Variants in TTLL6 observed in about 807,000 individuals in gnomAD.
TTLL6 encodes the protein tubulin tyrosine ligase like 6.
In TTLL6, 75 loss-of-function variants were observed where a neutral mutation model predicts 96.4. The ratio of observed to expected loss-of-function variants is 0.78; its 90% confidence interval spans 0.65 to 0.94. The LOEUF (loss-of-function observed/expected upper bound fraction) is 0.94. Among genes scored for constraint, TTLL6 ranks in the 40% least tolerant of loss-of-function variants. TTLL6 has a pLI of 0.00. For synonymous variants in TTLL6, 411 were observed against 419.4 expected, an observed-to-expected ratio of 0.98 and a Z score of 0.24; for missense variants, 1,030 against 1,093.0, an observed-to-expected ratio of 0.94 and a Z score of 0.81.
At position 48,769,189 on chromosome 17, in the gene TTLL6, C is replaced by T. The variant is rs752120750; in HGVS notation, c.2476G>A (p.Asp826Asn). 1.7e-5 allele frequency: 28 copies of T among 1,613,690 alleles called. No homozygotes were observed. Among genetic ancestry groups the T allele is most frequent in the Non-Finnish European group, 2.4e-5 (28 of 1,179,800 alleles). The change falls in exon 15 of 16, where the codon GAT (aspartate) becomes AAT (asparagine). Residue 826 changes from aspartate to asparagine, a missense_variant. Physicochemically the swap from Asp to Asn is conservative, Grantham distance 23. Transcript: ENST00000393382. Reference sequence around the variant, plus strand: ...CTCTGCAAGAGGAGGGAGGACACATCCAGCTGCCTCTTCTCGCCAGAGCTG... The same window carrying T: ...CTCTGCAAGAGGAGGGAGGACACATTCAGCTGCCTCTTCTCGCCAGAGCTG... ...SDSSGEKRQL[D>N]VSSLLLQSPQ...
Position 48,785,124 on chromosome 17 carries a change from T to C in TTLL6, c.1839A>G (p.Thr613=), listed in dbSNP as rs1567722793. ...GAGCCTCCTGGTTGAGGCTGCTGTC[T>C]GTTTCATTTTTCCTTTCACCTCTGA... ...LSVRGERKNE[T]DSSLNQEAPT... Residue 613 remains threonine (T), a synonymous_variant, in exon 13 of 16, where the codon ACA becomes ACG. Transcript: ENST00000393382. 1 of 1,614,162 alleles carries C rather than the reference T, an allele frequency of 6.2e-7. No homozygotes were observed. Among genetic ancestry groups the C allele is most frequent in the Non-Finnish European group, 8.5e-7 (1 of 1,180,042 alleles).
chr17:48,801,185 A>T, intron 5 of TTLL6, 70 bp downstream of exon 5: 2 of 1,426,168 alleles, frequency 1.4e-6, no homozygotes, highest in Non-Finnish European at 1.9e-6. Context: ...GCAACCAGGG[A>T]ATCGGGGGCA....
intron 13 of TTLL6, among the ~76,000 whole-genome samples, chr17:48,782,732 G>A (rs1052160418): frequency 2.1e-5 from 3 of 141,290 alleles, no homozygotes; most frequent in African/African-American, 5.3e-5. Context: ...CTTTTTTTTT[G>A]AGACAGAGTC....
chr17:48,785,295 TGAG>T (rs2039068990), intron 12 of TTLL6, 94 bp from the exon 13 acceptor site: 2 of 1,558,492 alleles, frequency 1.3e-6, no homozygotes, highest in Non-Finnish European at 8.7e-7. Flanking sequence ...GAAAAAGAGA[TGAG>T]GAGAAGGAAA....
chr17:48,785,023 T>G lies in TTLL6; in HGVS notation c.1940A>C (p.Asn647Thr), dbSNP rs780764564. The G allele has an allele frequency of 3.1e-6, 5 of 1,614,034 alleles. No homozygotes were observed. The highest frequency in any genetic ancestry group is 4.2e-6 in the Non-Finnish European group (5 of 1,179,996). Residue 647 changes from asparagine (N) to threonine (T), a missense_variant, in exon 13 of 16, where the codon AAT (asparagine) becomes ACT (threonine). Asn to Thr is a moderately conservative substitution (Grantham distance 65). Coordinates refer to ENST00000393382, the MANE Select transcript of TTLL6 (RefSeq NM_001130918.3). ...CAACTTCGAGCTGCTGAGATTGATA[T>G]TCCTCAGATCGGGTAGAGAACTGAA... The part of the protein sequence containing the change: ...KPFSSLPDLR[N>T]INLSSSKLEP...
chr17:48,801,905 G>A (rs965075859), intron 3 of TTLL6, among the ~76,000 whole-genome samples: 3 of 151,724 alleles, frequency 2.0e-5, no homozygotes, highest in African/African-American at 7.3e-5. Flanking sequence ...AATTATCTGG[G>A]TGTGGTGGGG....
chr17:48,774,320 C>G (rs2038827569), intron 13 of TTLL6, among the ~76,000 whole-genome samples: 1 of 143,620 alleles, frequency 7.0e-6, no homozygotes. Flanking sequence ...CACATTGCCA[C>G]GCCCAGCTAA....
At chr17:48,811,118 G>C (rs1468616859) in intron 1 of TTLL6, among the ~76,000 whole-genome samples, 1 of 142,630 alleles carries the variant, frequency 7.0e-6, no homozygotes, top group African/African-American at 2.6e-5. Context: ...ACACAGGCTA[G>C]AGTGCAGTGG....
intron 5 of TTLL6, among the ~76,000 whole-genome samples, chr17:48,800,575 G>A (rs1397017206): frequency 6.6e-6 from 1 of 152,116 alleles, no homozygotes; most frequent in Admixed American, 6.6e-5. Flanking sequence ...GAGAACCCTG[G>A]TGCTCTTGGT....
chr17:48,794,171 G>A, intron 8 of TTLL6: 1 of 1,613,586 alleles, frequency 6.2e-7, no homozygotes, highest in Non-Finnish European at 8.5e-7. Flanking sequence ...AAATGGAAGA[G>A]GCAGAACAAC....
chr17:48,793,849 T>C (rs2039271385), intron 8 of TTLL6, among the ~76,000 whole-genome samples: 2 of 152,154 alleles, frequency 1.3e-5, no homozygotes, highest in South Asian at 4.1e-4. Flanking sequence ...GTATGTAAAT[T>C]ATCACTAGGA....
In TTLL6 at chr17:48,803,990, T is replaced by C. The variant is rs1356040076; in HGVS notation, c.324-62A>G. On this transcript the variant is annotated intron_variant, in intron 2 of 15. Transcript: ENST00000393382. ...AGACACACTTGCCAGAACAAGTGAC[T>C]GTATCCAGAAACATCCTGTCCCAGG... 4.6e-6 allele frequency: 7 copies of C among 1,530,586 alleles called. No individual in the cohort carries two copies. In the East Asian group the frequency reaches 1.5e-4, roughly 32 times the overall value. The allele number at this position is 1,530,586 out of a possible 1,614,324, so 94.8% of individuals were successfully genotyped here.
intron 13 of TTLL6, among the ~76,000 whole-genome samples, chr17:48,782,602 A>G (rs1247558219): frequency 2.0e-5 from 3 of 152,244 alleles, no homozygotes; most frequent in Non-Finnish European, 4.4e-5. Context: ...CATATGCCCA[A>G]GAAATTATGA....
In TTLL6 at chr17:48,810,825, G is replaced by GTGTATATATA. The variant is rs368085735; in HGVS notation, c.104-5835_104-5834insTATATATACA. Among the ~76,000 whole-genome samples, 125 of 84,330 alleles carry GTGTATATATA rather than the reference G, an allele frequency of 1.5e-3. 9 individuals are homozygous for GTGTATATATA. The highest frequency in any genetic ancestry group is 2.9e-3 in the African/African-American group (72 of 24,678). The allele number at this position is 84,330 out of a possible 152,430, so 55.3% of individuals were successfully genotyped here. ...ATATACACATATATAGTATGTGTGT[G>GTGTATATATA]TATATATATATATATATATATATAT... is the stretch of plus-strand genomic sequence containing the variant. On this transcript the variant is annotated intron_variant, in intron 1 of 15. Transcript: ENST00000393382.
At chr17:48,798,068 G>A (rs940324380) in intron 6 of TTLL6, among the ~76,000 whole-genome samples, 1 of 149,982 alleles carries the variant, frequency 6.7e-6, no homozygotes, top group Non-Finnish European at 1.5e-5. Context: ...TGATCACACC[G>A]CTGCACTCCA....
At chr17:48,784,830 C>T in intron 13 of TTLL6, 93 bp downstream of exon 13, 2 of 1,096,504 alleles carry the variant, frequency 1.8e-6, no homozygotes, top group Non-Finnish European at 1.3e-6. Context: ...GGCTCAGTGG[C>T]TTACTCAAAG....
At chr17:48,765,808 C>A in intron 15 of TTLL6, 1 of 152,856 alleles carries the variant, frequency 6.5e-6, no homozygotes, top group South Asian at 1.9e-4. Flanking sequence ...CTCAGCCTCC[C>A]CAGTAGCTGG....
Position 48,777,840 on chromosome 17 carries a change from G to A in TTLL6, c.2040+7083C>T, listed in dbSNP as rs1204854966. On this transcript the variant is annotated intron_variant, in intron 13 of 15. Coordinates refer to ENST00000393382, the MANE Select transcript of TTLL6 (RefSeq NM_001130918.3). ...ACAGGAGAATTGCTTGAACCTGGGC[G>A]GCAGAGGTTGCAGTGAGCCGAGACT... Among the ~76,000 whole-genome samples, 4 of 152,170 alleles carry A rather than the reference G, an allele frequency of 2.6e-5. No individual in the cohort carries two copies. The East Asian group carries it at 5.8e-4, about 22-fold the overall frequency.
intron 8 of TTLL6, among the ~76,000 whole-genome samples, chr17:48,794,036 A>G (rs539170849): frequency 6.6e-6 from 1 of 152,154 alleles, no homozygotes; most frequent in Admixed American, 6.5e-5. Flanking sequence ...CTGGAGCCCA[A>G]GGGAGACAGG....
Sources: allele counts gnomAD v4.1 joint callset (sites outside exome capture counted in the v4.1 genomes callset), GRCh38; gene constraint gnomAD v4.1.1; transcripts MANE v1.5; gene names NCBI Gene and HGNC (gene_info 2026-07-23, HGNC 2026-07-21).